The following CNTNAP2 variants were observed in gnomAD, a reference collection of about 807,000 sequenced individuals.
The protein encoded by CNTNAP2 is contactin associated protein 2.
A neutral mutation model predicts 155.2 loss-of-function variants in CNTNAP2; 98 were observed. The observed-to-expected ratio is 0.63, with a 90% confidence interval of 0.54 to 0.75. CNTNAP2 has a LOEUF of 0.75. Ranked by LOEUF, CNTNAP2 falls within the 30% of genes least tolerant of loss-of-function variation. The pLI, the probability that CNTNAP2 is intolerant of heterozygous loss-of-function variation, is 0.00. For missense variants in CNTNAP2, 1,727 were observed against 1,688.1 expected, an observed-to-expected ratio of 1.02 and a Z score of -0.40; for synonymous variants, 651 against 631.2, an observed-to-expected ratio of 1.03 and a Z score of -0.47.
intron 13 of CNTNAP2, among the ~76,000 whole-genome samples, chr7:147,690,671 T>C (rs1439033267): frequency 6.6e-6 from 1 of 152,094 alleles, no homozygotes; most frequent in Non-Finnish European, 1.5e-5. Context: ...TGGGAGGCAA[T>C]ATTAGGAGTC....
intron 8 of CNTNAP2, among the ~76,000 whole-genome samples, chr7:147,155,855 A>C (rs1175836614): frequency 6.6e-6 from 1 of 152,218 alleles, no homozygotes; most frequent in South Asian, 2.1e-4. Flanking sequence ...AGAAATTGGA[A>C]GAGGGACCCT....
intron 14 of CNTNAP2, among the ~76,000 whole-genome samples, chr7:147,909,884 A>G (rs1157113686): frequency 6.6e-6 from 1 of 151,810 alleles, no homozygotes; most frequent in Non-Finnish European, 1.5e-5. Context: ...AGCCGTTAGC[A>G]CAGTCTTTGT....
chr7:146,824,409 G>A lies in CNTNAP2; in HGVS notation c.209-15302G>A, dbSNP rs1244425105. Among the ~76,000 whole-genome samples the A allele has an allele frequency of 2.6e-5, 4 of 152,212 alleles. No individual in the cohort carries two copies. In the East Asian group the frequency reaches 7.7e-4, roughly 29 times the overall value. On this transcript the variant is annotated intron_variant, in intron 2 of 23. Transcript: ENST00000361727. The stretch of plus-strand genomic sequence containing the variant: ...ATCCTTTGGGTTTATACCTAGTAAT[G>A]GGATTGTTGGGTCAAATGGTATTTC...
chr7:148,332,150 G>A (rs1196734497), intron 21 of CNTNAP2, among the ~76,000 whole-genome samples: 2 of 123,652 alleles, frequency 1.6e-5, no homozygotes, highest in African/African-American at 3.4e-5. Context: ...GTAAAATCAT[G>A]ACAAACTGAG....
At position 147,079,611 on chromosome 7, in the gene CNTNAP2, A is replaced by G. The variant is rs779666870; in HGVS notation, c.551-28536A>G. ...AAGTATAATAATAATAATAATGATA[A>G]TAATAATAATAATGCTAATAATAAT... On this transcript the variant is annotated intron_variant, in intron 4 of 23. Transcript: ENST00000361727. Among the ~76,000 whole-genome samples the G allele has an allele frequency of 1.5e-3, 221 of 143,958 alleles. 1 individual carries two copies. The highest frequency in any genetic ancestry group is 2.7e-3 in the Non-Finnish European group (170 of 63,896). 94.4% of individuals were successfully genotyped at this position (143,958 alleles called of 152,430 possible).
intron 1 of CNTNAP2, among the ~76,000 whole-genome samples, chr7:146,597,392 C>A (rs1395400115): frequency 1.3e-5 from 2 of 151,788 alleles, no homozygotes; most frequent in East Asian, 3.9e-4. Context: ...CCTGAGAGTC[C>A]ATAATGGCAA....
At chr7:146,395,627 C>T (rs191146446) in intron 1 of CNTNAP2, among the ~76,000 whole-genome samples, 43 of 152,092 alleles carry the variant, frequency 2.8e-4, no homozygotes, top group African/African-American at 1.0e-3. Flanking sequence ...TTCTAAATCA[C>T]CTTAGATTAA....
At chr7:146,879,245 C>T (rs1219836835) in intron 3 of CNTNAP2, among the ~76,000 whole-genome samples, 2 of 152,094 alleles carry the variant, frequency 1.3e-5, no homozygotes, top group Non-Finnish European at 2.9e-5. Flanking sequence ...TAGATGTTGG[C>T]ATAGATGATA....
intron 12 of CNTNAP2, among the ~76,000 whole-genome samples, chr7:147,576,388 C>G (rs6975276): frequency 1.3e-5 from 2 of 151,940 alleles, no homozygotes; most frequent in Non-Finnish European, 2.9e-5. Flanking sequence ...AAAATCATTC[C>G]CACAATCTGT....
chr7:148,235,211 C>G (rs954374930), intron 20 of CNTNAP2, among the ~76,000 whole-genome samples: 11 of 152,116 alleles, frequency 7.2e-5, no homozygotes, highest in African/African-American at 2.7e-4. Flanking sequence ...TGAATTTCAA[C>G]CAAATTGTAT....
chr7:146,371,674 G>A (rs564114386), intron 1 of CNTNAP2, among the ~76,000 whole-genome samples: 2 of 151,992 alleles, frequency 1.3e-5, no homozygotes, highest in South Asian at 4.1e-4. Flanking sequence ...TTTGCCAGCT[G>A]GGCGTGGTGG....
At chr7:146,567,459 C>T (rs1315611582) in intron 1 of CNTNAP2, among the ~76,000 whole-genome samples, 1 of 151,972 alleles carries the variant, frequency 6.6e-6, no homozygotes. Flanking sequence ...TCTATATAGT[C>T]TTAATTATTA....
chr7:146,906,281 G>C (rs1202731572), intron 3 of CNTNAP2, among the ~76,000 whole-genome samples: 2 of 152,220 alleles, frequency 1.3e-5, no homozygotes, highest in Non-Finnish European at 1.5e-5. Flanking sequence ...CAGGAAGCTG[G>C]AACTGGGTGG....
At chr7:147,034,210 G>A (rs1799101271) in intron 3 of CNTNAP2, among the ~76,000 whole-genome samples, 1 of 152,280 alleles carries the variant, frequency 6.6e-6, no homozygotes, top group Admixed American at 6.5e-5. Context: ...CTTTTAGCAA[G>A]CTAATGAAAT....
intron 1 of CNTNAP2, among the ~76,000 whole-genome samples, chr7:146,638,472 G>GTTTTTTTTTTTT (rs1554460106): frequency 1.0e-5 from 1 of 100,100 alleles, no homozygotes; most frequent in African/African-American, 3.5e-5. Context: ...ACAGTCAGGT[G>GTTTTTTTTTTTT]TTTCTTTTTT....
chr7:146,151,700 A>ATG lies in CNTNAP2; in HGVS notation c.97+34728_97+34729insGT, dbSNP rs1336316755. 2.3e-3 allele frequency among the ~76,000 whole-genome samples: 134 copies of ATG among 57,506 alleles called. 4 individuals carry two copies. Among genetic ancestry groups the ATG allele is most frequent in the South Asian group, 0.011 (22 of 2,024 alleles). The allele number at this position is 57,506 out of a possible 152,430, so 37.7% of individuals were successfully genotyped here. On this transcript the variant is annotated intron_variant, in intron 1 of 23. Transcript: ENST00000361727. ...TATATATGTATATATATATATATGT[A>ATG]TATATATATATATGTATATATATAT...
chr7:146,842,174 A>G (rs1003677266), intron 3 of CNTNAP2, among the ~76,000 whole-genome samples: 3 of 152,140 alleles, frequency 2.0e-5, no homozygotes, highest in African/African-American at 4.8e-5. Context: ...GGCGTGAGCC[A>G]CTGCACCTGG....
intron 3 of CNTNAP2, among the ~76,000 whole-genome samples, chr7:147,021,071 T>C (rs1798809651): frequency 6.6e-6 from 1 of 152,188 alleles, no homozygotes; most frequent in Non-Finnish European, 1.5e-5. Flanking sequence ...GCAAGTTCAA[T>C]GAGCATCCAA....
chr7:146,745,870 C>T (rs1801802223), intron 1 of CNTNAP2, among the ~76,000 whole-genome samples: 1 of 151,994 alleles, frequency 6.6e-6, no homozygotes, highest in Non-Finnish European at 1.5e-5. Context: ...CAGTCTATGC[C>T]TTCTGCCACC....
Sources: gnomAD v4.1 joint callset for allele counts (sites outside exome capture counted in the v4.1 genomes callset) on GRCh38, gnomAD v4.1.1 for gene constraint, MANE v1.5 for transcripts, NCBI Gene and HGNC (gene_info 2026-07-23, HGNC 2026-07-21) for gene names.